PPP1R12A: variants seen among roughly 807,000 people sequenced by gnomAD.
PPP1R12A encodes the protein protein phosphatase 1 regulatory subunit 12A, also known as myosin binding subunit.
PPP1R12A carries 19 observed loss-of-function variants against 139.6 expected under a neutral mutation model. That is an observed-to-expected ratio of 0.14 (90% CI 0.09 to 0.20). The LOEUF is 0.20. Ranked by LOEUF, PPP1R12A falls within the 10% of genes least tolerant of loss-of-function variation. The pLI is 1.00. For synonymous variants in PPP1R12A, 427 were observed against 420.6 expected (o/e 1.02, Z -0.19); for missense variants, 925 against 1,211.5 (o/e 0.76, Z 3.51).
At position 79,835,546 on chromosome 12, in the gene PPP1R12A, C is replaced by T. The variant is rs114473407; in HGVS notation, c.488-3055G>A. ...CCCCTATCACTATGCTAGTTCATAG[C>T]TTATGTCTCACACTTTGACTACTGC... On this transcript the variant is annotated intron_variant, in intron 3 of 24. Coordinates refer to ENST00000450142, the MANE Select transcript of PPP1R12A (RefSeq NM_002480.3). Among the ~76,000 whole-genome samples the T allele has an allele frequency of 6.1e-3, 924 of 152,266 alleles. 8 individuals carry two copies. Among genetic ancestry groups the T allele is most frequent in the African/African-American group, 0.021 (855 of 41,560 alleles).
chr12:79,918,392 T>G (rs1016810085), intron 1 of PPP1R12A, among the ~76,000 whole-genome samples: 1 of 152,192 alleles, frequency 6.6e-6, no homozygotes, highest in African/African-American at 2.4e-5. Flanking sequence ...GTGTACATTT[T>G]ACACTTGATT....
intron 2 of PPP1R12A, among the ~76,000 whole-genome samples, chr12:79,863,595 T>C (rs1400103152): frequency 2.5e-5 from 3 of 119,602 alleles, no homozygotes; most frequent in African/African-American, 6.5e-5. Flanking sequence ...AAGACACATA[T>C]AGGCTCAAAA....
rs1037892634 is a variant in PPP1R12A at position 79,806,240 on chromosome 12, C to T, written c.1749G>A (p.Gln583=). Residue 583 remains glutamine, a synonymous_variant, in exon 13 of 25, where the codon CAG becomes CAA. Coordinates refer to ENST00000450142, the MANE Select transcript of PPP1R12A (RefSeq NM_002480.3). ...TPTVTSAAGL[Q]KSLLSSTSTT... Reference sequence around the variant, plus strand: ...TGCTTGTGCTGGAAAGCAGGCTTTTCTGAAGCCCAGCTGCAGAGGTAACTG... The same window carrying T: ...TGCTTGTGCTGGAAAGCAGGCTTTTTTGAAGCCCAGCTGCAGAGGTAACTG... 9.9e-6 allele frequency: 16 copies of T among 1,613,976 alleles called. No homozygotes were observed. The highest frequency in any genetic ancestry group is 1.3e-5 in the Non-Finnish European group (15 of 1,179,848).
intron 2 of PPP1R12A, among the ~76,000 whole-genome samples, chr12:79,852,201 T>C (rs1298939736): frequency 6.6e-6 from 1 of 150,996 alleles, no homozygotes; most frequent in Admixed American, 6.6e-5. Flanking sequence ...TTCTTTTTTT[T>C]TTTTTTTGAG....
intron 18 of PPP1R12A, 69 bp downstream of exon 18, chr12:79,795,569 T>C (rs1044644300): frequency 6.3e-6 from 9 of 1,418,238 alleles, no homozygotes; most frequent in African/African-American, 1.5e-5. Context: ...ATTATTAGTA[T>C]GTATTTTTGG....
rs202058179 is a variant in PPP1R12A, at chr12:79,796,932, G to C, written c.2311C>G (p.Pro771Ala). ...TYDETYQRYR[P>A]VSTSSSTTPS... ...GTGGTTGAACTTGAAGTTGATACTG[G>C]CCTATAACGCTGGTAAGTCTGTGAA... Residue 771 changes from proline (P) to alanine (A), a missense_variant, in exon 17 of 25, where the codon CCA becomes GCA. By Grantham distance (27) the Pro-to-Ala change is conservative. This residue lies in a region of PPP1R12A where 315 missense variants were observed against 363.4 expected (regional missense o/e 0.87). Coordinates refer to ENST00000450142, the MANE Select transcript of PPP1R12A (RefSeq NM_002480.3). 87 of 1,610,022 alleles carry C rather than the reference G, an allele frequency of 5.4e-5. No homozygotes were observed. The Middle Eastern group carries it at 1.0e-3, about 18-fold the overall frequency.
chr12:79,934,941 T>TGCCGC lies in PPP1R12A; in HGVS notation c.-15_-11dup, dbSNP rs770093795. 4.9e-4 allele frequency: 778 copies of TGCCGC among 1,573,904 alleles called. No homozygotes were observed. Among genetic ancestry groups the TGCCGC allele is most frequent in the Non-Finnish European group, 5.8e-4 (668 of 1,157,936 alleles). On this transcript the variant is annotated 5_prime_UTR_variant, in exon 1 of 25. Coordinates refer to ENST00000450142, the MANE Select transcript of PPP1R12A (RefSeq NM_002480.3). The stretch of plus-strand genomic sequence containing the variant: ...CGTCCGCCATCTTCATCCCCTCTCC[T>TGCCGC]GCCGCCGGGTCTTCTTATCGCGAGG...
At chr12:79,934,630 A>C (rs1368698241) in intron 1 of PPP1R12A, 65 bp downstream of exon 1, 2 of 1,386,758 alleles carry the variant, frequency 1.4e-6, no homozygotes, top group East Asian at 5.3e-5. Context: ...AACTGAGGGC[A>C]GGCCCGAGCA....
intron 14 of PPP1R12A, among the ~76,000 whole-genome samples, chr12:79,804,348 C>T (rs1873560959): frequency 6.6e-6 from 1 of 152,004 alleles, no homozygotes; most frequent in Non-Finnish European, 1.5e-5. Context: ...ATAATATGAC[C>T]TATACTGGTA....
In PPP1R12A at chr12:79,801,345, CAAAAAAAAAAAAAAAAAAAAAAAAA is replaced by C. The variant is rs201977462; in HGVS notation, c.2001-2786_2001-2762del. Among the ~76,000 whole-genome samples, 101 of 20,186 alleles carry C rather than the reference CAAAAAAAAAAAAAAAAAAAAAAAAA, an allele frequency of 5.0e-3. 1 individual carries two copies. Among genetic ancestry groups the C allele is most frequent in the East Asian group, 0.039 (79 of 2,036 alleles). The allele number at this position is 20,186 out of a possible 152,430, so 13.2% of individuals were successfully genotyped here. A position where few individuals can be genotyped will look rare whatever the true frequency, so the allele number is the denominator to read the frequency against. Reference sequence around the variant, plus strand: ...GGGCAACTAGAGCAAAACTCTGTCTCAAAAAAAAAAAAAAAAAAAAAAAAAAAAAAAAAAAAAAAAGCCTCTTTCT... The same window carrying C: ...GGGCAACTAGAGCAAAACTCTGTCTCAAAAAAAAAAAAAAAGCCTCTTTCT... On this transcript the variant is annotated intron_variant, in intron 14 of 24. Transcript: ENST00000450142.
chr12:79,822,046 T>G (rs951684534), intron 6 of PPP1R12A, 70 bp downstream of exon 6: 1 of 1,122,954 alleles, frequency 8.9e-7, no homozygotes, highest in Non-Finnish European at 1.3e-6. Context: ...ACAAGAATAC[T>G]TTTGTAATTG....
intron 2 of PPP1R12A, among the ~76,000 whole-genome samples, chr12:79,867,814 T>G (rs1882140799): frequency 6.6e-6 from 1 of 152,158 alleles, no homozygotes. Flanking sequence ...TCATGAGATC[T>G]GATGATTTTA....
intron 1 of PPP1R12A, among the ~76,000 whole-genome samples, chr12:79,933,632 T>C (rs938590427): frequency 2.0e-5 from 3 of 152,234 alleles, no homozygotes; most frequent in African/African-American, 7.2e-5. Context: ...AGCCTATGTT[T>C]TGTCACCTAT....
intron 1 of PPP1R12A, among the ~76,000 whole-genome samples, chr12:79,931,681 T>C (rs926298601): frequency 6.6e-6 from 1 of 152,204 alleles, no homozygotes; most frequent in African/African-American, 2.4e-5. Flanking sequence ...AGCTGATTAT[T>C]GCCCCATTGG....
At chr12:79,870,410 A>T (rs1469281413) in intron 2 of PPP1R12A, among the ~76,000 whole-genome samples, 2 of 152,138 alleles carry the variant, frequency 1.3e-5, no homozygotes, top group Non-Finnish European at 2.9e-5. Flanking sequence ...AACCTGCTAA[A>T]AGAGATTATG....
At chr12:79,926,701 T>C (rs1887867417) in intron 1 of PPP1R12A, among the ~76,000 whole-genome samples, 1 of 151,714 alleles carries the variant, frequency 6.6e-6, no homozygotes, top group South Asian at 2.1e-4. Flanking sequence ...ATATTTATTG[T>C]GTACCTACTA....
At chr12:79,935,287 C>T (rs537311014), upstream of PPP1R12A, 13 of 1,064,998 alleles carry the variant, frequency 1.2e-5, no homozygotes, top group East Asian at 1.4e-4. Context: ...CCGCGAACTG[C>T]GGCGGTGGTG....
At chr12:79,849,117 C>A (rs1879747736) in intron 2 of PPP1R12A, among the ~76,000 whole-genome samples, 3 of 152,234 alleles carry the variant, frequency 2.0e-5, no homozygotes, top group Admixed American at 2.0e-4. Flanking sequence ...AAAATTATCA[C>A]ATTTAGGAAG....
At chr12:79,920,785 G>T (rs1315458462) in intron 1 of PPP1R12A, among the ~76,000 whole-genome samples, 1 of 152,172 alleles carries the variant, frequency 6.6e-6, no homozygotes, top group African/African-American at 2.4e-5. Context: ...ACTCTACAGA[G>T]TCCCCAACAG....
Sources: gnomAD v4.1 joint callset for allele counts (sites outside exome capture counted in the v4.1 genomes callset) on GRCh38, gnomAD v4.1.1 for gene constraint, gnomAD v4.1.1 regional missense constraint, MANE v1.5 for transcripts, NCBI Gene and HGNC (gene_info 2026-07-23, HGNC 2026-07-21) for gene names.